NGLY1: variants seen among roughly 807,000 people sequenced by gnomAD.
NGLY1 encodes peptide-N(4)-(N-acetyl-beta-glucosaminyl)asparagine amidase.
NGLY1 carries 68 observed loss-of-function variants against 84.6 expected under a neutral mutation model. The observed-to-expected ratio is 0.80, with a 90% CI of 0.66 to 0.98. The LOEUF is 0.98. NGLY1 is among the 50% of genes least tolerant of loss of function. The pLI is 0.00. For missense variants in NGLY1, 779 were observed against 770.2 expected, an observed-to-expected ratio of 1.01 and a Z score of -0.14; for synonymous variants, 280 against 275.2, an observed-to-expected ratio of 1.02 and a Z score of -0.17.
At chr3:25,781,628 C>T (rs777844198) in intron 1 of NGLY1, among the ~76,000 whole-genome samples, 11 of 152,164 alleles carry the variant, frequency 7.2e-5, no homozygotes, top group Non-Finnish European at 1.5e-4. Context: ...AGCTGTGAGG[C>T]GGAGGTTGCA....
chr3:25,731,733 T>C (rs1705545847), intron 9 of NGLY1, among the ~76,000 whole-genome samples: 1 of 152,088 alleles, frequency 6.6e-6, no homozygotes, highest in Admixed American at 6.6e-5. Context: ...ATACAATAAA[T>C]TATACAGCAA....
intron 10 of NGLY1, among the ~76,000 whole-genome samples, chr3:25,722,728 T>C (rs112098363): frequency 1.3e-5 from 2 of 152,332 alleles, no homozygotes; most frequent in Non-Finnish European, 2.9e-5. Context: ...GGTGTTCATA[T>C]ATGTTCCTAC....
intron 10 of NGLY1, among the ~76,000 whole-genome samples, chr3:25,725,874 AAC>A (rs1268353681): frequency 2.0e-5 from 3 of 152,320 alleles, no homozygotes; most frequent in East Asian, 3.9e-4. Flanking sequence ...ATCATAAACA[AAC>A]ACATACTCTT....
At chr3:25,750,476 T>A (rs1706677924) in intron 4 of NGLY1, among the ~76,000 whole-genome samples, 1 of 152,206 alleles carries the variant, frequency 6.6e-6, no homozygotes, top group Non-Finnish European at 1.5e-5. Context: ...AGAATAGTCG[T>A]TGCTGGAAGC....
chr3:25,720,003 C>A lies in NGLY1; in HGVS notation c.1789+11G>T. On this transcript the variant is annotated intron_variant, in intron 11 of 11. Transcript: ENST00000280700. ...TATATTTCGTGATTAATTCTCCAGG[C>A]AAATGCTTACCGCCTGTCAGTTCTA... The A allele has an allele frequency of 1.2e-6, 2 of 1,602,312 alleles. No individual in the cohort carries two copies. Among genetic ancestry groups the A allele is most frequent in the Non-Finnish European group, 1.7e-6 (2 of 1,172,178 alleles).
At chr3:25,770,183 T>C (rs965611056) in intron 2 of NGLY1, among the ~76,000 whole-genome samples, 1 of 152,166 alleles carries the variant, frequency 6.6e-6, no homozygotes. Flanking sequence ...AGAGTTTTGC[T>C]CTTGTCACAC....
chr3:25,738,689 C>T (rs1705969533), intron 5 of NGLY1, among the ~76,000 whole-genome samples: 1 of 151,678 alleles, frequency 6.6e-6, no homozygotes, highest in Non-Finnish European at 1.5e-5. Context: ...AGCGCAGTGG[C>T]ACAATCTTGG....
intron 3 of NGLY1, chr3:25,754,843 G>A (rs1406128799): frequency 3.6e-6 from 2 of 557,862 alleles, no homozygotes; most frequent in African/African-American, 3.9e-5. Flanking sequence ...ACCACTTGCA[G>A]CAGGAGAAAA....
chr3:25,759,119 T>C (rs1224856718), intron 3 of NGLY1, among the ~76,000 whole-genome samples: 1 of 152,130 alleles, frequency 6.6e-6, no homozygotes, highest in Admixed American at 6.6e-5. Context: ...ACTGTCCATG[T>C]GAGATTCCAT....
chr3:25,758,797 T>C (rs1707167562), intron 3 of NGLY1, among the ~76,000 whole-genome samples: 1 of 151,946 alleles, frequency 6.6e-6, no homozygotes, highest in South Asian at 2.1e-4. Flanking sequence ...ATATAAGAAA[T>C]AAAGATGCAA....
chr3:25,736,513 G>T, intron 6 of NGLY1: 1 of 738,474 alleles, frequency 1.4e-6, no homozygotes, highest in Non-Finnish European at 2.2e-6. Context: ...TGGACTTTAA[G>T]GCCCAGAACC....
intron 4 of NGLY1, among the ~76,000 whole-genome samples, chr3:25,742,520 T>A (rs1216788431): frequency 6.6e-6 from 1 of 152,112 alleles, no homozygotes; most frequent in African/African-American, 2.4e-5. Flanking sequence ...GGACAAGACA[T>A]GAAAAAGAAC....
chr3:25,751,238 T>C lies in NGLY1; in HGVS notation c.518A>G (p.Glu173Gly). Residue 173 changes from glutamate (E) to glycine (G), a missense_variant, in exon 4 of 12, where the codon GAA (glutamate) becomes GGA (glycine). By Grantham distance (98) the Glu-to-Gly change is moderately conservative (BLOSUM62 -2). Coordinates refer to ENST00000280700, the MANE Select transcript of NGLY1 (RefSeq NM_018297.4). ...ATGCTGAATGTTGGACTGAAGAACT[T>C]CTAGAATGGCTGAGTCAGCAGCAAC... is the stretch of plus-strand genomic sequence containing the variant. ...STVAADSAIL[E>G]VLQSNIQHVL... The C allele has an allele frequency of 1.9e-6, 3 of 1,589,742 alleles. No homozygotes were observed. The highest frequency in any genetic ancestry group is 2.6e-6 in the Non-Finnish European group (3 of 1,169,140).
In NGLY1 at chr3:25,778,576, C is replaced by T. The variant is rs771648190; in HGVS notation, c.244G>A (p.Glu82Lys). The T allele has an allele frequency of 6.3e-7, 1 of 1,598,314 alleles. No homozygotes were observed. The highest frequency in any genetic ancestry group is 8.6e-7 in the Non-Finnish European group (1 of 1,169,368). ...VECLFEMGFE[E>K]GETHLIFPKK... ...AGGAAATCCTTGAACATACTTACCT[C>T]TTCAAAGCCCATTTCAAATAAACAT... Residue 82 changes from glutamate (E) to lysine (K), a missense_variant and splice_region_variant, in exon 2 of 12, where the codon GAG (glutamate) becomes AAG (lysine). Physicochemically the swap from Glu to Lys is moderately conservative, Grantham distance 56. Coordinates refer to ENST00000280700, the MANE Select transcript of NGLY1 (RefSeq NM_018297.4).
chr3:25,760,679 G>A (rs1446924491), intron 3 of NGLY1, among the ~76,000 whole-genome samples: 1 of 151,924 alleles, frequency 6.6e-6, no homozygotes, highest in Non-Finnish European at 1.5e-5. Context: ...GACCAACATG[G>A]AGAAACCCCG....
chr3:25,761,993 A>G (rs1047932211), intron 3 of NGLY1, among the ~76,000 whole-genome samples: 46 of 152,226 alleles, frequency 3.0e-4, no homozygotes, highest in Non-Finnish European at 6.0e-4. Flanking sequence ...GTCCAGAAAA[A>G]GTAGCAAGAT....
At chr3:25,727,468 A>C (rs1358920407) in intron 10 of NGLY1, among the ~76,000 whole-genome samples, 1 of 152,140 alleles carries the variant, frequency 6.6e-6, no homozygotes, top group Non-Finnish European at 1.5e-5. Flanking sequence ...ACACCTACTC[A>C]ACCTCCAGTG....
intron 5 of NGLY1, among the ~76,000 whole-genome samples, chr3:25,739,064 T>C (rs1376210127): frequency 6.6e-6 from 1 of 152,176 alleles, no homozygotes; most frequent in African/African-American, 2.4e-5. Flanking sequence ...CTGATTATTG[T>C]GAGAGTGAAT....
At chr3:25,721,393 G>C (rs889221652) in intron 10 of NGLY1, among the ~76,000 whole-genome samples, 13 of 152,096 alleles carry the variant, frequency 8.5e-5, no homozygotes, top group African/African-American at 3.1e-4. Flanking sequence ...TATGTTATCT[G>C]CCTGGTCTGA....
Sources: allele counts gnomAD v4.1 joint callset (sites outside exome capture counted in the v4.1 genomes callset), GRCh38; gene constraint gnomAD v4.1.1; transcripts MANE v1.5; gene names NCBI Gene and HGNC (gene_info 2026-07-23, HGNC 2026-07-21).